The following SLC35F2 variants were observed in gnomAD, a reference collection of about 807,000 sequenced individuals.
SLC35F2 encodes the protein solute carrier family 35 member F2.
SLC35F2 carries 25 observed loss-of-function variants against 38.1 expected under a neutral mutation model. The observed-to-expected ratio is 0.66, with a 90% CI of 0.48 to 0.92. The LOEUF is 0.92. Ranked by LOEUF, SLC35F2 falls within the 40% of genes least tolerant of loss-of-function variation. The pLI, the probability that SLC35F2 is intolerant of heterozygous loss-of-function variation, is 0.00. For missense variants in SLC35F2, 409 were observed against 452.9 expected (o/e 0.90, Z 0.88); for synonymous variants, 173 against 181.7 (o/e 0.95, Z 0.38).
At chr11:107,842,241 G>A (rs1259974614) in intron 1 of SLC35F2, among the ~76,000 whole-genome samples, 2 of 77,802 alleles carry the variant, frequency 2.6e-5, no homozygotes, top group East Asian at 4.5e-4. Flanking sequence ...GGGCGACAGA[G>A]TGAGACTCCG....
chr11:107,820,128 C>T (rs963732273), intron 1 of SLC35F2, among the ~76,000 whole-genome samples: 2 of 151,068 alleles, frequency 1.3e-5, no homozygotes, highest in Non-Finnish European at 1.5e-5. Context: ...TGGTGGTACA[C>T]GCCTGTAATC....
intron 7 of SLC35F2, among the ~76,000 whole-genome samples, chr11:107,800,090 G>T (rs1392397891): frequency 7.1e-6 from 1 of 141,572 alleles, no homozygotes; most frequent in Non-Finnish European, 1.5e-5. Flanking sequence ...GGGTTTCACC[G>T]TGTTAGCCAG....
intron 1 of SLC35F2, among the ~76,000 whole-genome samples, chr11:107,834,449 G>A (rs1324430660): frequency 2.0e-5 from 3 of 152,084 alleles, no homozygotes; most frequent in African/African-American, 4.8e-5. Context: ...TCAGGAGTTC[G>A]AGAACAGCCT....
intron 1 of SLC35F2, among the ~76,000 whole-genome samples, chr11:107,838,127 GC>G (rs1859958863): frequency 6.6e-6 from 1 of 152,038 alleles, no homozygotes; most frequent in South Asian, 2.1e-4. Flanking sequence ...CACACAACTA[GC>G]AAATGGCAGA....
At chr11:107,811,525 G>A in intron 3 of SLC35F2, 142 bp downstream of exon 3, 1 of 752,044 alleles carries the variant, frequency 1.3e-6, no homozygotes, top group South Asian at 2.2e-5. Flanking sequence ...TAGAGCATAT[G>A]CTCTACTAGA....
intron 1 of SLC35F2, among the ~76,000 whole-genome samples, chr11:107,844,232 G>C (rs1395267771): frequency 2.6e-5 from 4 of 152,072 alleles, no homozygotes; most frequent in African/African-American, 9.7e-5. Flanking sequence ...ACTACTGTGT[G>C]ACTAACACTG....
intron 1 of SLC35F2, among the ~76,000 whole-genome samples, chr11:107,853,908 G>T (rs1454062222): frequency 6.6e-6 from 1 of 151,798 alleles, no homozygotes; most frequent in Non-Finnish European, 1.5e-5. Context: ...TTGTTACAAG[G>T]AATACGCGTT....
intron 1 of SLC35F2, among the ~76,000 whole-genome samples, chr11:107,848,065 GTTA>G (rs1427375047): frequency 6.6e-6 from 1 of 152,168 alleles, no homozygotes; most frequent in East Asian, 1.9e-4. Context: ...GGAGTGCAGA[GTTA>G]TTATTTGAAA....
chr11:107,807,482 A>G (rs1859413661), intron 3 of SLC35F2, among the ~76,000 whole-genome samples: 1 of 152,034 alleles, frequency 6.6e-6, no homozygotes, highest in Non-Finnish European at 1.5e-5. Flanking sequence ...ATACAATGGA[A>G]GAGTCAGTTG....
At chr11:107,837,708 A>G (rs987756999) in intron 1 of SLC35F2, among the ~76,000 whole-genome samples, 1 of 152,004 alleles carries the variant, frequency 6.6e-6, no homozygotes, top group Non-Finnish European at 1.5e-5. Context: ...TAAAAATAAA[A>G]AAGTAAATTA....
chr11:107,846,929 CAA>C (rs34711328), intron 1 of SLC35F2, among the ~76,000 whole-genome samples: 7 of 136,744 alleles, frequency 5.1e-5, no homozygotes, highest in Admixed American at 7.4e-5. Context: ...GACTCTGTCT[CAA>C]AAAAAAAAAA....
At chr11:107,829,072 C>T (rs1423751358) in intron 1 of SLC35F2, among the ~76,000 whole-genome samples, 2 of 150,254 alleles carry the variant, frequency 1.3e-5, no homozygotes, top group Admixed American at 1.3e-4. Flanking sequence ...CACGCCACTG[C>T]ACTCCAGCCT....
chr11:107,815,259 C>A (rs1859550126), intron 2 of SLC35F2, among the ~76,000 whole-genome samples: 1 of 151,016 alleles, frequency 6.6e-6, no homozygotes, highest in Non-Finnish European at 1.5e-5. Context: ...ATGACATTTA[C>A]ACTTTTTAGG....
chr11:107,805,751 C>T (rs961641269), intron 4 of SLC35F2: 7 of 737,302 alleles, frequency 9.5e-6, no homozygotes, highest in Non-Finnish European at 1.2e-5. Context: ...AATCTCAGCT[C>T]ACTGCAACCT....
At chr11:107,841,624 G>T (rs1397650898) in intron 1 of SLC35F2, among the ~76,000 whole-genome samples, 2 of 151,314 alleles carry the variant, frequency 1.3e-5, no homozygotes, top group Non-Finnish European at 2.9e-5. Context: ...ACTTCATTAG[G>T]GATCAGGCAT....
Position 107,802,968 on chromosome 11 carries a change from G to C in SLC35F2, c.939+33C>G, listed in dbSNP as rs770097326. 28 of 1,562,372 alleles carry C rather than the reference G, an allele frequency of 1.8e-5. No individual in the cohort carries two copies. The African/African-American group carries it at 3.7e-4, about 21-fold the overall frequency. On this transcript the variant is annotated intron_variant, in intron 7 of 7. Transcript: ENST00000525815. Reference sequence around the variant, plus strand: ...TGCTACGTTTTTTGGATCCAAGCAAGTATTCTTATTTGAACGTGATCTATT... The same window carrying C: ...TGCTACGTTTTTTGGATCCAAGCAACTATTCTTATTTGAACGTGATCTATT...
At chr11:107,831,902 T>C (rs941773341) in intron 1 of SLC35F2, among the ~76,000 whole-genome samples, 3 of 152,192 alleles carry the variant, frequency 2.0e-5, no homozygotes, top group African/African-American at 7.2e-5. Flanking sequence ...TCTAGAAATA[T>C]GTTCATAAGG....
intron 1 of SLC35F2, chr11:107,823,140 C>G: frequency 1.0e-6 from 1 of 985,338 alleles, no homozygotes; most frequent in Middle Eastern, 5.2e-4. Context: ...AAGACCCCAG[C>G]CCAAACCAGT....
At chr11:107,840,003 CTTAAGTCT>C (rs1424465897) in intron 1 of SLC35F2, among the ~76,000 whole-genome samples, 1 of 152,082 alleles carries the variant, frequency 6.6e-6, no homozygotes, top group Non-Finnish European at 1.5e-5. Context: ...GTCAGAGGAA[CTTAAGTCT>C]ATTGCCTAGA....
Sources: gnomAD v4.1 joint callset for allele counts (sites outside exome capture counted in the v4.1 genomes callset) on GRCh38, gnomAD v4.1.1 for gene constraint, MANE v1.5 for transcripts, NCBI Gene and HGNC (gene_info 2026-07-23, HGNC 2026-07-21) for gene names.